Variants in TMEM225B observed in about 807,000 individuals in gnomAD.
TMEM225B encodes transmembrane protein 225B.
Under a neutral mutation model 16.9 loss-of-function variants are expected in TMEM225B, and 10 were observed. The ratio of observed to expected loss-of-function variants is 0.59; its 90% confidence interval spans 0.36 to 1.00. The LOEUF is 1.00. TMEM225B is among the 50% of genes least tolerant of loss of function. TMEM225B has a pLI of 0.01. For synonymous variants in TMEM225B, 92 were observed against 109.8 expected (o/e 0.84, Z 1.01); for missense variants, 217 against 267.0 (o/e 0.81, Z 1.30).
rs1805257721 is a variant in TMEM225B, at chr7:99,600,382, A to C, written c.-4+97A>C. On this transcript the variant is annotated intron_variant, in intron 2 of 5. Coordinates refer to ENST00000431679, the MANE Select transcript of TMEM225B (RefSeq NM_001195541.3). ...ACTTTTCAGGGGAGTGGGGTTTGGA[A>C]AATCTGGGGAGCAGAACAGGCACCC... The C allele has an allele frequency of 8.7e-6, 6 of 685,858 alleles. No individual in the cohort carries two copies. The South Asian group carries it at 9.2e-5, about 11-fold the overall frequency. The allele number at this position is 685,858 out of a possible 1,614,324, so 42.5% of individuals were successfully genotyped here.
At chr7:99,600,882 G>A (rs1178249469) in intron 2 of TMEM225B, among the ~76,000 whole-genome samples, 1 of 152,108 alleles carries the variant, frequency 6.6e-6, no homozygotes, top group East Asian at 1.9e-4. Flanking sequence ...TGGAAGGTTG[G>A]GGAACTTTAT....
At chr7:99,600,829 C>T (rs935896010) in intron 2 of TMEM225B, among the ~76,000 whole-genome samples, 3 of 151,888 alleles carry the variant, frequency 2.0e-5, no homozygotes, top group Non-Finnish European at 4.4e-5. Context: ...CGGTGATGTT[C>T]CAGGTGTGGA....
chr7:99,600,309 T>G (rs1367817295), intron 2 of TMEM225B, 24 bp downstream of exon 2: 1 of 702,852 alleles, frequency 1.4e-6, no homozygotes, highest in Admixed American at 2.0e-5. Context: ...GAATTTTTGC[T>G]GAGGGAGTGG....
intron 2 of TMEM225B, among the ~76,000 whole-genome samples, chr7:99,603,345 G>A (rs1030128592): frequency 6.6e-6 from 1 of 152,180 alleles, no homozygotes; most frequent in Non-Finnish European, 1.5e-5. Flanking sequence ...ACAGTTGACT[G>A]CAAAATAGGC....
At chr7:99,608,730 TATATACACACACAC>T (rs1806044906) in intron 5 of TMEM225B, among the ~76,000 whole-genome samples, 1 of 123,452 alleles carries the variant, frequency 8.1e-6, no homozygotes, top group African/African-American at 4.3e-5. Context: ...TATATATATA[TATATACACACACAC>T]ACACACACAC....
chr7:99,599,853 C>T (rs751416116), intron 1 of TMEM225B, among the ~76,000 whole-genome samples: 1 of 152,212 alleles, frequency 6.6e-6, no homozygotes, highest in Non-Finnish European at 1.5e-5. Context: ...ACCAGTCATT[C>T]CCTCTCTCCA....
rs751561349 is a variant in TMEM225B, at chr7:99,604,504, G to A, written c.116G>A (p.Arg39Gln). 4.0e-5 allele frequency: 62 copies of A among 1,535,946 alleles called. 1 individual carries two copies. Among genetic ancestry groups the A allele is most frequent in the South Asian group, 1.4e-4 (12 of 84,042 alleles). ...GTCTCCATCTTTCCCTTCTGGGTGC[G>A]ACTGACAAACGAGGAGTCCCACGAA... ...LVVSIFPFWV[R>Q]LTNEESHEVF... is the part of the protein sequence containing the mutation. The change falls in exon 3 of 6, where the codon CGA becomes CAA. Residue 39 changes from arginine to glutamine, a missense_variant. Coordinates refer to ENST00000431679, the MANE Select transcript of TMEM225B (RefSeq NM_001195541.3).
intron 4 of TMEM225B, 34 bp from the exon 5 acceptor site, chr7:99,607,639 A>C (rs1423757785): frequency 6.6e-7 from 1 of 1,522,206 alleles, no homozygotes; most frequent in Admixed American, 2.0e-5. Context: ...GTAGCATGGG[A>C]GGAGACCGAG....
At chr7:99,598,863 G>A (rs1228027561) in intron 1 of TMEM225B, among the ~76,000 whole-genome samples, 1 of 152,204 alleles carries the variant, frequency 6.6e-6, no homozygotes. Context: ...GGGGCCTAGG[G>A]TCCAGGAACC....
intron 1 of TMEM225B, among the ~76,000 whole-genome samples, chr7:99,599,649 C>T (rs372049010): frequency 1.3e-5 from 2 of 152,296 alleles, no homozygotes; most frequent in South Asian, 2.1e-4. Flanking sequence ...AGTTGGCAGT[C>T]GTATATTCCC....
Position 99,610,714 on chromosome 7 carries a change from GTGAT to G in TMEM225B, c.*151_*154del. ...AACTCTCCACCTCCCCATACTCACA[GTGAT>G]TCTATCTTGCTTGTATGTGAAATTT... On this transcript the variant is annotated 3_prime_UTR_variant, in exon 6 of 6. Coordinates refer to ENST00000431679, the MANE Select transcript of TMEM225B (RefSeq NM_001195541.3). 1 of 591,262 alleles carries G rather than the reference GTGAT, an allele frequency of 1.7e-6. No homozygotes were observed. The highest frequency in any genetic ancestry group is 2.8e-5 in the South Asian group (1 of 35,236). 36.6% of individuals were successfully genotyped at this position (591,262 alleles called of 1,614,324 possible). A position where few individuals can be genotyped will look rare whatever the true frequency, so the allele number is the denominator to read the frequency against.
Position 99,610,512 on chromosome 7 carries a change from G to C in TMEM225B, c.613G>C (p.Glu205Gln), listed in dbSNP as rs1806257121. ...YLDNLESLGGEPSSVQKETQV... is the reference protein window; with the variant it reads ...YLDNLESLGGQPSSVQKETQV... ...GGACAATCTGGAGAGTTTGGGAGGA[G>C]AACCGAGCTCAGTACAAAAGGAGAC... Residue 205 changes from glutamate to glutamine, a missense_variant, in exon 6 of 6, where the codon GAA becomes CAA. Physicochemically the swap from Glu to Gln is conservative, Grantham distance 29 (BLOSUM62 2). Transcript: ENST00000431679. 6.5e-7 allele frequency: 1 copy of C among 1,536,108 alleles called. No homozygotes were observed. The highest frequency in any genetic ancestry group is 1.2e-5 in the South Asian group (1 of 84,056).
intron 3 of TMEM225B, among the ~76,000 whole-genome samples, chr7:99,606,254 C>CACTA (rs998328355): frequency 2.0e-5 from 3 of 152,164 alleles, no homozygotes; most frequent in Admixed American, 6.5e-5. Context: ...ATGATGGTGC[C>CACTA]ACTGCACTCT....
intron 5 of TMEM225B, among the ~76,000 whole-genome samples, chr7:99,608,821 A>G (rs1285397431): frequency 2.7e-5 from 4 of 146,292 alleles, no homozygotes; most frequent in African/African-American, 1.1e-4. Flanking sequence ...AGACATACAT[A>G]TATGTGTGTG....
chr7:99,602,655 A>G (rs1584304566), intron 2 of TMEM225B, among the ~76,000 whole-genome samples: 1 of 152,194 alleles, frequency 6.6e-6, no homozygotes, highest in Non-Finnish European at 1.5e-5. Context: ...CTGAGACAAG[A>G]CCAGCCAGCA....
At chr7:99,598,893 C>G (rs1419726225) in intron 1 of TMEM225B, among the ~76,000 whole-genome samples, 1 of 152,186 alleles carries the variant, frequency 6.6e-6, no homozygotes. Flanking sequence ...GCCAGTGGTC[C>G]TCAGACGCTG....
chr7:99,602,131 C>G (rs1189524696), intron 2 of TMEM225B, among the ~76,000 whole-genome samples: 3 of 152,224 alleles, frequency 2.0e-5, no homozygotes, highest in Admixed American at 1.3e-4. Flanking sequence ...TTCCTTTCAC[C>G]TGATGCCCCC....
intron 5 of TMEM225B, among the ~76,000 whole-genome samples, chr7:99,609,738 G>T (rs1050572091): frequency 6.7e-6 from 1 of 149,092 alleles, no homozygotes; most frequent in African/African-American, 2.5e-5. Context: ...CCGGCCACTT[G>T]TTCTTTTTTT....
At chr7:99,600,807 G>C (rs1451695278) in intron 2 of TMEM225B, among the ~76,000 whole-genome samples, 2 of 152,140 alleles carry the variant, frequency 1.3e-5, no homozygotes, top group Non-Finnish European at 2.9e-5. Flanking sequence ...GGCCAGAGGA[G>C]CCTGGGGATG....
Sources: gnomAD v4.1 joint callset for allele counts (sites outside exome capture counted in the v4.1 genomes callset) on GRCh38, gnomAD v4.1.1 for gene constraint, MANE v1.5 for transcripts, NCBI Gene and HGNC (gene_info 2026-07-23, HGNC 2026-07-21) for gene names.